Variants in PARD3 observed in about 807,000 individuals in gnomAD.
PARD3 encodes the protein par-3 family cell polarity regulator, also known as partitioning defective 3 homolog.
In PARD3, 75 loss-of-function variants were observed where a neutral mutation model predicts 155.4. That is an observed-to-expected ratio of 0.48 (90% CI 0.40 to 0.58). PARD3 has a LOEUF of 0.58. PARD3 is among the 20% of genes least tolerant of loss of function. The pLI is 0.00. For missense variants in PARD3, 1,642 were observed against 1,721.7 expected, an observed-to-expected ratio of 0.95 and a Z score of 0.82; for synonymous variants, 576 against 610.5, an observed-to-expected ratio of 0.94 and a Z score of 0.83.
At chr10:34,794,263 G>A (rs572756185) in intron 1 of PARD3, among the ~76,000 whole-genome samples, 16 of 152,308 alleles carry the variant, frequency 1.1e-4, no homozygotes, top group African/African-American at 3.8e-4. Context: ...CTCTGCTGAG[G>A]ATGTAGACTT....
At chr10:34,625,733 A>T (rs1590287489) in intron 2 of PARD3, among the ~76,000 whole-genome samples, 3 of 152,142 alleles carry the variant, frequency 2.0e-5, no homozygotes, top group African/African-American at 7.2e-5. Flanking sequence ...ACTAACATGG[A>T]GAAACCCTGT....
At chr10:34,397,185 G>C (rs1442703072) in intron 7 of PARD3, among the ~76,000 whole-genome samples, 1 of 152,166 alleles carries the variant, frequency 6.6e-6, no homozygotes, top group Non-Finnish European at 1.5e-5. Flanking sequence ...TGAGGAAGGT[G>C]GGGATCTCTG....
At chr10:34,557,548 G>A (rs1057272612) in intron 2 of PARD3, among the ~76,000 whole-genome samples, 4 of 152,018 alleles carry the variant, frequency 2.6e-5, no homozygotes, top group Admixed American at 6.6e-5. Context: ...GTGCAATCTC[G>A]GCACATTGTA....
At chr10:34,461,498 G>T (rs11009794) in intron 4 of PARD3, among the ~76,000 whole-genome samples, 11,430 of 151,522 alleles carry the variant, frequency 0.075, 1,318 homozygotes, top group African/African-American at 0.25. Context: ...CCCAGCTACT[G>T]GGGGGGCTGA....
intron 1 of PARD3, among the ~76,000 whole-genome samples, chr10:34,741,478 C>T (rs1218280528): frequency 1.3e-5 from 2 of 152,072 alleles, no homozygotes; most frequent in African/African-American, 2.4e-5. Context: ...AGCCACTGTG[C>T]CCAGCCTATT....
chr10:34,217,917 A>G (rs955156263), intron 22 of PARD3, among the ~76,000 whole-genome samples: 4 of 152,194 alleles, frequency 2.6e-5, no homozygotes, highest in Admixed American at 1.3e-4. Context: ...CTTAAAAAAT[A>G]TAATGAAGTC....
chr10:34,789,164 C>T (rs4934654), intron 1 of PARD3, among the ~76,000 whole-genome samples: 53,677 of 152,062 alleles, frequency 0.35, 10,623 homozygotes, highest in African/African-American at 0.55. Flanking sequence ...CAGTGGCTCA[C>T]GCCCATAATC....
chr10:34,805,542 CATATATATATAT>C (rs58820083), intron 1 of PARD3, among the ~76,000 whole-genome samples: 1 of 140,748 alleles, frequency 7.1e-6, no homozygotes, highest in Admixed American at 7.1e-5. Flanking sequence ...CACGTATGTG[CATATATATATAT>C]ATATATATAT....
chr10:34,280,800 T>C (rs1956119781), intron 21 of PARD3, among the ~76,000 whole-genome samples: 1 of 152,126 alleles, frequency 6.6e-6, no homozygotes, highest in Non-Finnish European at 1.5e-5. Context: ...TGAGAGGATG[T>C]TTTGAGAATA....
rs2086201230 is a variant in PARD3 at position 34,569,374 on chromosome 10, T to G, written c.223-52215A>C. ...TATGAGGGAGAAATTATTCACAAAG[T>G]AAATTTGCAATGCTTAAATATAACA... On this transcript the variant is annotated intron_variant, in intron 2 of 24. Transcript: ENST00000374788. Among the ~76,000 whole-genome samples, 8 of 152,200 alleles carry G rather than the reference T, an allele frequency of 5.3e-5. No individual in the cohort carries two copies. In the South Asian group the frequency reaches 1.7e-3, roughly 32 times the overall value.
chr10:34,297,983 G>C lies in PARD3; in HGVS notation c.3066-13738C>G, dbSNP rs535603273. Reference sequence around the variant, plus strand: ...CTGGAGCCAGAATCCTGGGTTCAAAGTCCAGCTCTGCCTCTTCCTAGCATT... The same window carrying C: ...CTGGAGCCAGAATCCTGGGTTCAAACTCCAGCTCTGCCTCTTCCTAGCATT... On this transcript the variant is annotated intron_variant, in intron 20 of 24. Transcript: ENST00000374788. 3.9e-5 allele frequency among the ~76,000 whole-genome samples: 6 copies of C among 152,344 alleles called. No individual in the cohort carries two copies. In the South Asian group the frequency reaches 1.2e-3, roughly 32 times the overall value.
chr10:34,474,591 G>A (rs768682893), intron 3 of PARD3, among the ~76,000 whole-genome samples: 4 of 152,142 alleles, frequency 2.6e-5, no homozygotes, highest in South Asian at 2.1e-4. Context: ...ATTTAAATAA[G>A]GCACTACATT....
intron 22 of PARD3, among the ~76,000 whole-genome samples, chr10:34,152,650 G>T (rs769561376): frequency 6.6e-6 from 1 of 152,086 alleles, no homozygotes; most frequent in Non-Finnish European, 1.5e-5. Flanking sequence ...CTCTATCATG[G>T]CATCTAATAC....
chr10:34,145,224 T>TTTTTTTTTTA (rs1948444088), intron 22 of PARD3, among the ~76,000 whole-genome samples: 3 of 79,946 alleles, frequency 3.8e-5, no homozygotes, highest in Admixed American at 3.5e-4. Context: ...TATATATATT[T>TTTTTTTTTTA]TTTTTTTTTT....
chr10:34,782,228 T>G (rs1588719260), intron 1 of PARD3, among the ~76,000 whole-genome samples: 1 of 152,168 alleles, frequency 6.6e-6, no homozygotes, highest in African/African-American at 2.4e-5. Flanking sequence ...CTGAACACAT[T>G]GCAGTCAAGC....
chr10:34,451,163 C>A (rs2077034548), intron 4 of PARD3, among the ~76,000 whole-genome samples: 3 of 152,152 alleles, frequency 2.0e-5, no homozygotes, highest in African/African-American at 7.2e-5. Context: ...CGTGATATTT[C>A]TTTCAGATAA....
At chr10:34,754,299 C>A (rs972930802) in intron 1 of PARD3, among the ~76,000 whole-genome samples, 1 of 152,148 alleles carries the variant, frequency 6.6e-6, no homozygotes, top group Admixed American at 6.5e-5. Context: ...AACCACCATG[C>A]CTGGCCTGGA....
chr10:34,796,658 C>G (rs1158634942), intron 1 of PARD3, among the ~76,000 whole-genome samples: 1 of 152,194 alleles, frequency 6.6e-6, no homozygotes, highest in Non-Finnish European at 1.5e-5. Flanking sequence ...TTTCAAAGAA[C>G]TGCACTTTGC....
At chr10:34,540,517 G>A (rs1391782583) in intron 2 of PARD3, among the ~76,000 whole-genome samples, 1 of 152,182 alleles carries the variant, frequency 6.6e-6, no homozygotes, top group East Asian at 1.9e-4. Flanking sequence ...GACTTAGGGA[G>A]GCTGAGCTGC....
Sources: gnomAD v4.1 joint callset for allele counts (sites outside exome capture counted in the v4.1 genomes callset) on GRCh38, gnomAD v4.1.1 for gene constraint, MANE v1.5 for transcripts, NCBI Gene and HGNC (gene_info 2026-07-23, HGNC 2026-07-21) for gene names.